Variants in PCLO observed in about 807,000 individuals in gnomAD.
PCLO encodes the protein protein piccolo.
Under a neutral mutation model 427.5 loss-of-function variants are expected in PCLO, and 82 were observed. The observed-to-expected ratio is 0.19, with a 90% CI of 0.16 to 0.23. The LOEUF (loss-of-function observed/expected upper bound fraction) is 0.23, where lower values mean the gene tolerates loss of function less well. PCLO is among the 10% of genes least tolerant of loss of function. PCLO has a pLI of 1.00. For missense variants in PCLO, 6,239 were observed against 6,115.9 expected, an observed-to-expected ratio of 1.02 and a Z score of -0.67; for synonymous variants, 2,357 against 2,155.4, an observed-to-expected ratio of 1.09 and a Z score of -2.59.
intron 3 of PCLO, among the ~76,000 whole-genome samples, chr7:82,988,193 T>C (rs555725971): frequency 6.6e-6 from 1 of 152,190 alleles, no homozygotes; most frequent in South Asian, 2.1e-4. Flanking sequence ...TTTTCTTTCT[T>C]TTTTAAAAAA....
intron 6 of PCLO, among the ~76,000 whole-genome samples, chr7:82,919,043 T>C (rs1794535112): frequency 6.6e-6 from 1 of 151,956 alleles, no homozygotes; most frequent in East Asian, 1.9e-4. Flanking sequence ...AATAGTTATA[T>C]ATTGTACATA....
At chr7:83,086,487 GAAA>G (rs58410535) in intron 3 of PCLO, among the ~76,000 whole-genome samples, 1 of 149,810 alleles carries the variant, frequency 6.7e-6, no homozygotes, top group Non-Finnish European at 1.5e-5. Flanking sequence ...TGCCAAGTTG[GAAA>G]AAAAAAACAT....
Position 82,838,285 on chromosome 7 carries a change from G to T in PCLO, c.14155C>A (p.Leu4719Ile). Residue 4719 changes from leucine to isoleucine, a missense_variant, in exon 15 of 25, where the codon CTT becomes ATT. Around this residue, in one of 5 missense-constraint regions of PCLO, gnomAD observed 877 missense variants for 925.5 expected, o/e 0.95. Transcript: ENST00000333891. ...TAACCATTGTTGTCTCGAGGAACAA[G>T]ATTTCTTGCTTGGAGAATATGTATT... ...LIIHILQARN[L>I]VPRDNNGYSD... 1 of 1,573,342 alleles carries T rather than the reference G, an allele frequency of 6.4e-7. No individual in the cohort carries two copies. Among genetic ancestry groups the T allele is most frequent in the Non-Finnish European group, 8.7e-7 (1 of 1,149,188 alleles).
chr7:82,766,866 A>C, intron 22 of PCLO, among the ~76,000 whole-genome samples: 1 of 145,208 alleles, frequency 6.9e-6, no homozygotes, highest in African/African-American at 2.9e-5. Context: ...ATACTTGTGA[A>C]ATTTTTTTTA....
chr7:82,973,463 T>C (rs1583859415), intron 3 of PCLO, among the ~76,000 whole-genome samples: 2 of 152,244 alleles, frequency 1.3e-5, no homozygotes, highest in East Asian at 1.9e-4. Flanking sequence ...GAAATAAAAA[T>C]AGTCAACATA....
chr7:82,889,906 T>A (rs943044478), intron 9 of PCLO, among the ~76,000 whole-genome samples: 2 of 152,052 alleles, frequency 1.3e-5, no homozygotes. Context: ...TTTTAGTGTG[T>A]GTGCACATGT....
At chr7:83,081,241 G>A (rs1774668591) in intron 3 of PCLO, among the ~76,000 whole-genome samples, 1 of 151,834 alleles carries the variant, frequency 6.6e-6, no homozygotes, top group African/African-American at 2.4e-5. Context: ...TGTACTACAA[G>A]ACCAGGACCT....
intron 3 of PCLO, among the ~76,000 whole-genome samples, chr7:83,101,511 T>G (rs1052983596): frequency 1.3e-5 from 2 of 152,078 alleles, no homozygotes. Flanking sequence ...TAGAAAAATA[T>G]GATCATAGAA....
At chr7:83,102,343 AT>A (rs1304468160) in intron 3 of PCLO, among the ~76,000 whole-genome samples, 1 of 151,974 alleles carries the variant, frequency 6.6e-6, no homozygotes, top group Non-Finnish European at 1.5e-5. Flanking sequence ...TTTCCAAACC[AT>A]CCACCTAACA....
intron 3 of PCLO, among the ~76,000 whole-genome samples, chr7:83,080,817 T>C (rs1176601507): frequency 6.6e-6 from 1 of 152,198 alleles, no homozygotes; most frequent in African/African-American, 2.4e-5. Flanking sequence ...CCTGAAACCA[T>C]GGATAGTGCT....
At chr7:83,138,623 G>A (rs2048113556) in intron 2 of PCLO, among the ~76,000 whole-genome samples, 1 of 151,796 alleles carries the variant, frequency 6.6e-6, no homozygotes, top group Non-Finnish European at 1.5e-5. Flanking sequence ...AAGCACTCCA[G>A]CCTGGATGAC....
intron 10 of PCLO, among the ~76,000 whole-genome samples, chr7:82,855,211 C>T (rs908000300): frequency 2.0e-4 from 30 of 152,040 alleles, no homozygotes; most frequent in South Asian, 8.3e-4. Flanking sequence ...CAAGTCACAA[C>T]CATTTTTTAG....
At chr7:83,103,338 G>A (rs1417997793) in intron 3 of PCLO, among the ~76,000 whole-genome samples, 1 of 151,830 alleles carries the variant, frequency 6.6e-6, no homozygotes, top group African/African-American at 2.4e-5. Flanking sequence ...GAGCTTCGTA[G>A]GGCTAGTAAT....
intron 22 of PCLO, among the ~76,000 whole-genome samples, chr7:82,790,591 A>G (rs1381476198): frequency 6.6e-6 from 1 of 152,216 alleles, no homozygotes; most frequent in Non-Finnish European, 1.5e-5. Context: ...TTAATATTCA[A>G]TATACATTCA....
chr7:82,913,198 G>A (rs1282880001), intron 7 of PCLO, among the ~76,000 whole-genome samples: 6 of 151,818 alleles, frequency 4.0e-5, no homozygotes, highest in African/African-American at 7.2e-5. Context: ...CTGTAGAGAC[G>A]AAAACAAATC....
chr7:83,133,986 ATTAAT>A (rs1791640660), intron 3 of PCLO, among the ~76,000 whole-genome samples: 1 of 151,698 alleles, frequency 6.6e-6, no homozygotes, highest in Admixed American at 6.6e-5. Context: ...TCATTGTTAT[ATTAAT>A]TTAATAATTA....
chr7:82,966,535 T>C (rs758195951), intron 3 of PCLO, 48 bp from the exon 4 acceptor site: 1 of 1,177,084 alleles, frequency 8.5e-7, no homozygotes, highest in Non-Finnish European at 1.2e-6. Flanking sequence ...TTATAATGTA[T>C]CTGTTTCTGT....
At chr7:83,003,259 A>G (rs1787868045) in intron 3 of PCLO, among the ~76,000 whole-genome samples, 1 of 151,594 alleles carries the variant, frequency 6.6e-6, no homozygotes, top group African/African-American at 2.4e-5. Flanking sequence ...AATATTATAT[A>G]CTAATATTTT....
chr7:82,915,151 C>T lies in PCLO; in HGVS notation c.12835G>A (p.Ala4279Thr). The T allele has an allele frequency of 6.3e-7, 1 of 1,593,874 alleles. No individual in the cohort carries two copies. ...NTIRSALQDE[A>T]DKPYSSGSRS... Reference sequence around the variant, plus strand: ...CTGCCACTACTGTATGGCTTATCCGCTTCATCCTGCAGAGCTGAGCGTATG... The same window carrying T: ...CTGCCACTACTGTATGGCTTATCCGTTTCATCCTGCAGAGCTGAGCGTATG... The change falls in exon 7 of 25, where the codon GCG (alanine) becomes ACG (threonine). Residue 4279 changes from alanine (A) to threonine (T), a missense_variant. Coordinates refer to ENST00000333891, the MANE Select transcript of PCLO (RefSeq NM_033026.6).
Sources: allele counts gnomAD v4.1 joint callset (sites outside exome capture counted in the v4.1 genomes callset), GRCh38; gene constraint gnomAD v4.1.1; regional missense constraint gnomAD v4.1.1; transcripts MANE v1.5; gene names NCBI Gene and HGNC (gene_info 2026-07-23, HGNC 2026-07-21).